NPY2R: variants seen among roughly 807,000 people sequenced by gnomAD.
NPY2R encodes the protein neuropeptide Y receptor type 2.
In NPY2R, 17 loss-of-function variants were observed where a neutral mutation model predicts 22.3. That is an observed-to-expected ratio of 0.76 (90% CI 0.52 to 1.14). The LOEUF (loss-of-function observed/expected upper bound fraction) is 1.14. Among genes scored for constraint, NPY2R ranks in the 50% most tolerant of loss-of-function variants. The probability of loss-of-function intolerance (pLI) is 0.00; values close to 1 mark genes in which losing one functional copy is unlikely to be tolerated. For synonymous variants in NPY2R, 209 were observed against 183.4 expected, an observed-to-expected ratio of 1.14 and a Z score of -1.13; for missense variants, 424 against 467.9, an observed-to-expected ratio of 0.91 and a Z score of 0.87.
At chr4:155,202,741 C>T in the NPY2R span, among the ~76,000 whole-genome samples, 1 of 152,040 alleles carries the variant, frequency 6.6e-6, no homozygotes, top group African/African-American at 2.4e-5. Flanking sequence ...TTTGATTTTA[C>T]TTGTACTCTT....
Position 155,214,955 on chromosome 4 carries a change from C to G in NPY2R, c.1016C>G (p.Ala339Gly). ...AACTACAGAAAGGCTTTCCTCTCGG[C>G]CTTCCGCTGTGAGCAGCGGTTGGAT... ...NSNYRKAFLS[A>G]FRCEQRLDAI... Residue 339 changes from alanine (A) to glycine (G), a missense_variant, in exon 2 of 2, where the codon GCC (alanine) becomes GGC (glycine). Physicochemically the swap from Ala to Gly is moderately conservative, Grantham distance 60 (BLOSUM62 0). Transcript: ENST00000329476. 6.8e-6 allele frequency: 11 copies of G among 1,614,228 alleles called. No homozygotes were observed. Among genetic ancestry groups the G allele is most frequent in the Non-Finnish European group, 3.4e-6 (4 of 1,180,036 alleles).
the NPY2R span, among the ~76,000 whole-genome samples, chr4:155,188,642 A>T: frequency 6.6e-6 from 1 of 152,116 alleles, no homozygotes; most frequent in Non-Finnish European, 1.5e-5. Context: ...GTAAACCTCC[A>T]CTTAGAGAGA....
the NPY2R span, among the ~76,000 whole-genome samples, chr4:155,174,484 A>ATTTTTTTTT: frequency 5.7e-5 from 6 of 106,116 alleles, no homozygotes; most frequent in African/African-American, 1.8e-4. Context: ...ATATATATAT[A>ATTTTTTTTT]TTTTTTTTTT....
In NPY2R at chr4:155,215,287, G is replaced by T. The variant is rs761211806; in HGVS notation, c.*202G>T. Reference sequence around the variant, plus strand: ...GAATTCAAAGATAAGGCAACAAAATGGTTTACTTAACAGTTGGTTGGGTAG... The same window carrying T: ...GAATTCAAAGATAAGGCAACAAAATTGTTTACTTAACAGTTGGTTGGGTAG... On this transcript the variant is annotated 3_prime_UTR_variant, in exon 2 of 2. Transcript: ENST00000329476. 2.6e-5 allele frequency: 17 copies of T among 660,068 alleles called. No individual in the cohort carries two copies. Among genetic ancestry groups the T allele is most frequent in the Non-Finnish European group, 4.4e-5 (16 of 361,810 alleles). 40.9% of individuals were successfully genotyped at this position (660,068 alleles called of 1,614,324 possible). A position where few individuals can be genotyped will look rare whatever the true frequency, so the allele number is the denominator to read the frequency against.
upstream of NPY2R, among the ~76,000 whole-genome samples, chr4:155,203,840 G>A (rs1729234431): frequency 6.6e-6 from 1 of 152,160 alleles, no homozygotes; most frequent in African/African-American, 2.4e-5. Flanking sequence ...TACATGTTCA[G>A]CTAGTTTGAT....
the NPY2R span, among the ~76,000 whole-genome samples, chr4:155,196,815 A>G: frequency 6.6e-6 from 1 of 151,826 alleles, no homozygotes; most frequent in Non-Finnish European, 1.5e-5. Flanking sequence ...CTTATAAAGC[A>G]CCTCCGGTGA....
At chr4:155,174,486 T>TATA in the NPY2R span, among the ~76,000 whole-genome samples, 214 of 68,648 alleles carry the variant, frequency 3.1e-3, 1 homozygote, top group Non-Finnish European at 4.7e-3. Context: ...ATATATATAT[T>TATA]TTTTTTTTTA....
intron 1 of NPY2R, among the ~76,000 whole-genome samples, chr4:155,213,409 C>A (rs1207050972): frequency 6.6e-6 from 1 of 152,124 alleles, no homozygotes; most frequent in Admixed American, 6.5e-5. Context: ...AGGCACCAGA[C>A]AAATAGTTTT....
the NPY2R span, among the ~76,000 whole-genome samples, chr4:155,178,026 A>C: frequency 6.6e-6 from 1 of 152,150 alleles, no homozygotes; most frequent in Non-Finnish European, 1.5e-5. Context: ...AAAACAGTCT[A>C]ATTTTAGTTA....
upstream of NPY2R, chr4:155,208,031 G>A (rs529545265): frequency 2.0e-5 from 3 of 152,408 alleles, no homozygotes; most frequent in South Asian, 2.1e-4. This position sits in a 1 kb window ranked among gnomAD's most constrained non-coding sequence, Gnocchi z 5.6. Flanking sequence ...TTACCTTCTC[G>A]TTTGGAGCAC....
At chr4:155,197,987 A>G in the NPY2R span, among the ~76,000 whole-genome samples, 5 of 152,132 alleles carry the variant, frequency 3.3e-5, no homozygotes, top group African/African-American at 1.2e-4. Flanking sequence ...CTGACTTTCC[A>G]CATGATAATT....
the NPY2R span, among the ~76,000 whole-genome samples, chr4:155,195,999 C>T: frequency 6.6e-6 from 1 of 151,910 alleles, no homozygotes; most frequent in African/African-American, 2.4e-5. Context: ...GTGTCATCTA[C>T]ATGTTAAAGG....
the NPY2R span, among the ~76,000 whole-genome samples, chr4:155,178,745 G>C: frequency 3.5e-4 from 53 of 152,148 alleles, no homozygotes; most frequent in Non-Finnish European, 6.5e-4. Flanking sequence ...TATTAATGAA[G>C]TCCCCCTTTG....
chr4:155,198,860 T>G, the NPY2R span, among the ~76,000 whole-genome samples: 1 of 151,974 alleles, frequency 6.6e-6, no homozygotes, highest in East Asian at 1.9e-4. Context: ...CTCTCCACAC[T>G]TCCTTCCTCC....
the NPY2R span, among the ~76,000 whole-genome samples, chr4:155,202,631 A>G: frequency 6.6e-6 from 1 of 152,172 alleles, no homozygotes; most frequent in African/African-American, 2.4e-5. Context: ...TTTGAATAAA[A>G]CATTTCACCA....
the NPY2R span, among the ~76,000 whole-genome samples, chr4:155,195,228 TTCTC>T: frequency 6.6e-6 from 1 of 151,680 alleles, no homozygotes; most frequent in Non-Finnish European, 1.5e-5. Flanking sequence ...TCAGATGACA[TTCTC>T]TCTCTCTCTG....
At chr4:155,213,394 G>A (rs112034025) in intron 1 of NPY2R, among the ~76,000 whole-genome samples, 2,481 of 152,166 alleles carry the variant, frequency 0.016, 54 homozygotes, top group African/African-American at 0.057. Context: ...ATAGTCCCAA[G>A]GTTCAGGCAC....
At chr4:155,184,148 T>C in the NPY2R span, among the ~76,000 whole-genome samples, 4 of 152,172 alleles carry the variant, frequency 2.6e-5, no homozygotes, top group South Asian at 8.3e-4. Flanking sequence ...TTTCTATAGG[T>C]CTTTTTCAGG....
chr4:155,181,788 T>C, the NPY2R span, among the ~76,000 whole-genome samples: 1 of 152,180 alleles, frequency 6.6e-6, no homozygotes, highest in African/African-American at 2.4e-5. Context: ...GCATTTTGTT[T>C]TGGCAACCCA....
Sources: gnomAD v4.1 joint callset for allele counts (sites outside exome capture counted in the v4.1 genomes callset) on GRCh38, gnomAD v4.1.1 for gene constraint, Gnocchi (gnomAD v3.1) non-coding constraint, MANE v1.5 for transcripts, NCBI Gene and HGNC (gene_info 2026-07-23, HGNC 2026-07-21) for gene names.